Variants in TRPS1 observed in about 807,000 individuals in gnomAD.
TRPS1 encodes transcriptional repressor GATA binding 1, also known as zinc finger transcription factor Trps1.
TRPS1 carries 6 observed loss-of-function variants against 101.2 expected under a neutral mutation model. The ratio of observed to expected loss-of-function variants is 0.06; its 90% CI spans 0.03 to 0.12. TRPS1 has a LOEUF of 0.12. Ranked by LOEUF, TRPS1 falls within the 10% of genes least tolerant of loss-of-function variation. The probability of loss-of-function intolerance (pLI) is 1.00; values close to 1 mark genes in which losing one functional copy is unlikely to be tolerated. For missense variants in TRPS1, 1,363 were observed against 1,567.0 expected, an observed-to-expected ratio of 0.87 and a Z score of 2.20; for synonymous variants, 578 against 589.8, an observed-to-expected ratio of 0.98 and a Z score of 0.29.
intron 5 of TRPS1, among the ~76,000 whole-genome samples, chr8:115,482,175 A>G (rs1244758894): frequency 1.3e-5 from 2 of 152,198 alleles, no homozygotes; most frequent in Non-Finnish European, 2.9e-5. Flanking sequence ...TCTTTGAATA[A>G]TATCTTTTAA....
chr8:115,500,511 A>G (rs1815289537), intron 5 of TRPS1, among the ~76,000 whole-genome samples: 2 of 152,204 alleles, frequency 1.3e-5, no homozygotes, highest in South Asian at 2.1e-4. Flanking sequence ...GAACAACTGT[A>G]CCTTCAGAAA....
chr8:115,629,400 G>A (rs1355699969), intron 1 of TRPS1, among the ~76,000 whole-genome samples: 5 of 151,584 alleles, frequency 3.3e-5, no homozygotes, highest in South Asian at 2.1e-4. Context: ...AAAAGGGAAC[G>A]GATAAAACAT....
chr8:115,563,159 CA>C (rs1311588852), intron 5 of TRPS1, among the ~76,000 whole-genome samples: 1 of 152,034 alleles, frequency 6.6e-6, no homozygotes, highest in Non-Finnish European at 1.5e-5. Flanking sequence ...TCCCACCCAA[CA>C]AACATGCATC....
At chr8:115,621,098 G>T (rs535055284) in intron 2 of TRPS1, among the ~76,000 whole-genome samples, 2 of 152,166 alleles carry the variant, frequency 1.3e-5, no homozygotes, top group Non-Finnish European at 2.9e-5. Flanking sequence ...TCTTCTGCTG[G>T]AGTAGAATGA....
chr8:115,611,383 G>C (rs1818160457), intron 3 of TRPS1, among the ~76,000 whole-genome samples: 1 of 152,188 alleles, frequency 6.6e-6, no homozygotes, highest in Admixed American at 6.5e-5. Flanking sequence ...GAAGGTTGCT[G>C]TTTTAACACA....
At chr8:115,508,636 C>T (rs1031381659) in intron 5 of TRPS1, among the ~76,000 whole-genome samples, 1 of 151,920 alleles carries the variant, frequency 6.6e-6, no homozygotes, top group Admixed American at 6.6e-5. Context: ...GAGGATAATC[C>T]AAAGGATGTC....
intron 5 of TRPS1, among the ~76,000 whole-genome samples, chr8:115,493,451 G>A (rs1815076476): frequency 6.6e-6 from 1 of 152,160 alleles, no homozygotes; most frequent in African/African-American, 2.4e-5. Context: ...CCGGATTCAA[G>A]TGTTTCTCCT....
intron 5 of TRPS1, among the ~76,000 whole-genome samples, chr8:115,424,156 C>T (rs940673511): frequency 4.6e-5 from 7 of 152,268 alleles, no homozygotes; most frequent in African/African-American, 9.6e-5. Context: ...AATATTTACT[C>T]ACATTTTTTA....
intron 5 of TRPS1, among the ~76,000 whole-genome samples, chr8:115,521,680 G>GT (rs1166318646): frequency 6.6e-6 from 1 of 151,686 alleles, no homozygotes; most frequent in Middle Eastern, 3.2e-3. Flanking sequence ...AAAAACACCT[G>GT]TATTTAAAAA....
At chr8:115,650,181 T>C (rs369408327) in intron 1 of TRPS1, among the ~76,000 whole-genome samples, 9 of 152,214 alleles carry the variant, frequency 5.9e-5, no homozygotes, top group African/African-American at 2.2e-4. Context: ...AGTGAAACTG[T>C]TTCTACTGTG....
chr8:115,600,178 AT>A (rs1244552057), intron 4 of TRPS1, among the ~76,000 whole-genome samples: 2 of 152,050 alleles, frequency 1.3e-5, no homozygotes, highest in African/African-American at 4.8e-5. Context: ...TTGCTTGATG[AT>A]TTTTTAATTG....
intron 1 of TRPS1, among the ~76,000 whole-genome samples, chr8:115,627,942 CA>C (rs1271397405): frequency 4.0e-5 from 6 of 151,648 alleles, no homozygotes; most frequent in Non-Finnish European, 8.9e-5. Context: ...TTCACAGCAC[CA>C]GTAAGCCAAG....
At position 115,587,263 on chromosome 8, in the gene TRPS1, A is replaced by C; in HGVS notation, c.2438T>G (p.Leu813Arg). The change falls in exon 5 of 7, where the codon CTG becomes CGG. Residue 813 changes from leucine to arginine, a missense_variant. Transcript: ENST00000395715. ...TTGGGTGTATGACGGACTCCCCCGC[A>C]GGATGTCTGCCCCTCTCCAAGTCAC... ...RNVTWRGADI[L>R]RGSPSYTQAS... 1 of 1,614,212 alleles carries C rather than the reference A, an allele frequency of 6.2e-7. No homozygotes were observed. The highest frequency in any genetic ancestry group is 8.5e-7 in the Non-Finnish European group (1 of 1,180,016).
intron 1 of TRPS1, among the ~76,000 whole-genome samples, chr8:115,640,003 CAGTAT>C: frequency 6.6e-6 from 1 of 152,206 alleles, no homozygotes; most frequent in South Asian, 2.1e-4. Flanking sequence ...ATATTATTGA[CAGTAT>C]AGTAAATGTA....
At chr8:115,423,218 C>A (rs1015098655) in intron 5 of TRPS1, among the ~76,000 whole-genome samples, 1 of 152,186 alleles carries the variant, frequency 6.6e-6, no homozygotes. Context: ...TGATTGTTTG[C>A]TTTTCTTTTA....
chr8:115,445,230 G>A (rs1013236317), intron 5 of TRPS1, among the ~76,000 whole-genome samples: 1 of 152,078 alleles, frequency 6.6e-6, no homozygotes, highest in Admixed American at 6.5e-5. Flanking sequence ...CTCAGCTCAA[G>A]ACTCCACGTT....
chr8:115,561,580 A>C (rs1453433490), intron 5 of TRPS1, among the ~76,000 whole-genome samples: 11 of 152,034 alleles, frequency 7.2e-5, no homozygotes, highest in Non-Finnish European at 1.5e-5. Context: ...AAGTAATGGA[A>C]ATAGAATTTT....
At chr8:115,527,871 G>C (rs1816037391) in intron 5 of TRPS1, among the ~76,000 whole-genome samples, 1 of 152,026 alleles carries the variant, frequency 6.6e-6, no homozygotes, top group Admixed American at 6.6e-5. Context: ...TATTCTCAAA[G>C]TGTCAGAATC....
At chr8:115,584,465 C>G (rs1197291297) in intron 5 of TRPS1, among the ~76,000 whole-genome samples, 1 of 151,846 alleles carries the variant, frequency 6.6e-6, no homozygotes, top group Non-Finnish European at 1.5e-5. Flanking sequence ...TATATTTATA[C>G]ACTACTGTAA....
Sources: gnomAD v4.1 joint callset for allele counts (sites outside exome capture counted in the v4.1 genomes callset) on GRCh38, gnomAD v4.1.1 for gene constraint, MANE v1.5 for transcripts, NCBI Gene and HGNC (gene_info 2026-07-23, HGNC 2026-07-21) for gene names.